Variants in RBMS3 observed in about 807,000 individuals in gnomAD.
RBMS3 encodes RNA-binding motif, single-stranded-interacting protein 3.
A neutral mutation model predicts 66.8 loss-of-function variants in RBMS3; 27 were observed. The observed-to-expected ratio is 0.40, with a 90% CI of 0.30 to 0.56. RBMS3 has a LOEUF of 0.56. Among genes scored for constraint, RBMS3 ranks in the 20% least tolerant of loss-of-function variants. RBMS3 has a pLI of 0.40. For synonymous variants in RBMS3, 188 were observed against 183.0 expected, an observed-to-expected ratio of 1.03 and a Z score of -0.22; for missense variants, 513 against 549.5, an observed-to-expected ratio of 0.93 and a Z score of 0.66.
chr3:29,739,852 G>A lies in RBMS3; in HGVS notation c.532G>A (p.Val178Ile). The A allele has an allele frequency of 3.8e-6, 6 of 1,598,810 alleles. No homozygotes were observed. Among genetic ancestry groups the A allele is most frequent in the Non-Finnish European group, 5.1e-6 (6 of 1,174,408 alleles). Residue 178 changes from valine to isoleucine, a missense_variant, in exon 5 of 15, where the codon GTC becomes ATC. Physicochemically the swap from Val to Ile is conservative, Grantham distance 29. Coordinates refer to ENST00000383767, the MANE Select transcript of RBMS3 (RefSeq NM_001003793.3). ...STRILRDANG[V>I]SRGVGFARME... Reference sequence around the variant, plus strand: ...AAGAATACTAAGAGACGCTAATGGAGTCAGCAGAGGTGTTGGCTTTGCCAG... The same window carrying A: ...AAGAATACTAAGAGACGCTAATGGAATCAGCAGAGGTGTTGGCTTTGCCAG...
intron 1 of RBMS3, among the ~76,000 whole-genome samples, chr3:29,386,251 GCTGC>G (rs1361134371): frequency 6.6e-6 from 1 of 151,884 alleles, no homozygotes; most frequent in African/African-American, 2.4e-5. Context: ...GGTTCTCGGT[GCTGC>G]CACGCAACCT....
At chr3:29,470,511 A>C (rs184043709) in intron 2 of RBMS3, among the ~76,000 whole-genome samples, 1 of 152,192 alleles carries the variant, frequency 6.6e-6, no homozygotes, top group African/African-American at 2.4e-5. Context: ...GTCTTTCTAT[A>C]AGCACACATA....
At position 29,683,681 on chromosome 3, in the gene RBMS3, G is replaced by A. The variant is rs187297786; in HGVS notation, c.400-56039G>A. On this transcript the variant is annotated intron_variant, in intron 4 of 14. Transcript: ENST00000383767. Reference sequence around the variant, plus strand: ...TAAGGAATGTTGCTGCTGATAAGGCGACAGAAAATATTTCTGGGAGTGCAT... The same window carrying A: ...TAAGGAATGTTGCTGCTGATAAGGCAACAGAAAATATTTCTGGGAGTGCAT... Among the ~76,000 whole-genome samples, 74 of 152,274 alleles carry A rather than the reference G, an allele frequency of 4.9e-4. 1 individual carries two copies. The East Asian group carries it at 0.012, about 25-fold the overall frequency.
chr3:29,573,974 C>T (rs1169901297), intron 3 of RBMS3, among the ~76,000 whole-genome samples: 1 of 152,026 alleles, frequency 6.6e-6, no homozygotes, highest in African/African-American at 2.4e-5. Flanking sequence ...GTTTTGTGAC[C>T]TAACACATAA....
At chr3:29,375,720 A>G (rs1047759398) in intron 1 of RBMS3, among the ~76,000 whole-genome samples, 1 of 152,170 alleles carries the variant, frequency 6.6e-6, no homozygotes, top group African/African-American at 2.4e-5. Flanking sequence ...TGGCAAGGTT[A>G]TGGAGAAAAG....
At chr3:29,533,474 C>A (rs2045440314) in intron 3 of RBMS3, among the ~76,000 whole-genome samples, 1 of 149,788 alleles carries the variant, frequency 6.7e-6, no homozygotes, top group Non-Finnish European at 1.5e-5. Flanking sequence ...ACAGTGAGGC[C>A]CTATCTCAAA....
At chr3:29,384,644 CTG>C (rs1466526075) in intron 1 of RBMS3, among the ~76,000 whole-genome samples, 1 of 152,126 alleles carries the variant, frequency 6.6e-6, no homozygotes, top group East Asian at 1.9e-4. Flanking sequence ...GATGCCTTAA[CTG>C]TATTAATATA....
chr3:29,508,111 AGGCCTCTCGTCATCT>A (rs2044256002), intron 3 of RBMS3, among the ~76,000 whole-genome samples: 1 of 152,164 alleles, frequency 6.6e-6, no homozygotes, highest in African/African-American at 2.4e-5. Context: ...TCATAATATA[AGGCCTCTCGTCATCT>A]GGCTTGTTCT....
chr3:29,462,282 T>A (rs2125782201), intron 2 of RBMS3, among the ~76,000 whole-genome samples: 1 of 152,352 alleles, frequency 6.6e-6, no homozygotes, highest in African/African-American at 2.4e-5. Flanking sequence ...TCAGGCTGCA[T>A]GCCCCCTTTT....
intron 1 of RBMS3, among the ~76,000 whole-genome samples, chr3:29,329,110 A>T (rs2035505485): frequency 6.6e-6 from 1 of 152,112 alleles, no homozygotes; most frequent in African/African-American, 2.4e-5. Context: ...TACCGGGAAA[A>T]TATATGTTTT....
At chr3:29,352,925 TC>T (rs1224597367) in intron 1 of RBMS3, among the ~76,000 whole-genome samples, 1 of 145,224 alleles carries the variant, frequency 6.9e-6, no homozygotes, top group Non-Finnish European at 1.5e-5. Context: ...ATACATTCAT[TC>T]TTTTTTTTTT....
At chr3:29,313,234 G>T (rs1217878991) in intron 1 of RBMS3, among the ~76,000 whole-genome samples, 2 of 151,706 alleles carry the variant, frequency 1.3e-5, no homozygotes, top group African/African-American at 4.8e-5. Flanking sequence ...TCATTTCTTT[G>T]TTGAAACATC....
chr3:29,384,899 A>G (rs762578405), intron 1 of RBMS3, among the ~76,000 whole-genome samples: 2 of 152,184 alleles, frequency 1.3e-5, no homozygotes, highest in African/African-American at 4.8e-5. Context: ...AAGTATTAAC[A>G]TACGTTTCTT....
At chr3:29,926,347 C>A (rs751961764) in intron 10 of RBMS3, among the ~76,000 whole-genome samples, 2 of 152,116 alleles carry the variant, frequency 1.3e-5, no homozygotes, top group African/African-American at 4.8e-5. Flanking sequence ...GAAAAATATT[C>A]TCTGAGGGAC....
chr3:29,872,279 TA>T, intron 7 of RBMS3, among the ~76,000 whole-genome samples: 1 of 152,268 alleles, frequency 6.6e-6, no homozygotes, highest in Non-Finnish European at 1.5e-5. Flanking sequence ...TATTAAAATA[TA>T]TTTTTTAAAA....
At chr3:29,681,443 C>T (rs2051490816) in intron 4 of RBMS3, among the ~76,000 whole-genome samples, 1 of 152,064 alleles carries the variant, frequency 6.6e-6, no homozygotes, top group Admixed American at 6.6e-5. Context: ...CATATTATCC[C>T]ATCACCCAAG....
chr3:29,461,957 T>TA (rs2042386407), intron 2 of RBMS3, among the ~76,000 whole-genome samples: 1 of 134,154 alleles, frequency 7.5e-6, no homozygotes, highest in Non-Finnish European at 1.6e-5. Context: ...TTTGTATTTT[T>TA]AGTACAGATG....
chr3:29,639,457 C>T (rs1193762273), intron 4 of RBMS3, among the ~76,000 whole-genome samples: 1 of 151,812 alleles, frequency 6.6e-6, no homozygotes, highest in African/African-American at 2.4e-5. Context: ...CACACTAATA[C>T]ATCTGTAAGG....
At chr3:29,764,968 G>A (rs1036343577) in intron 6 of RBMS3, among the ~76,000 whole-genome samples, 41 of 152,104 alleles carry the variant, frequency 2.7e-4, no homozygotes, top group Middle Eastern at 3.4e-3. Context: ...ACAACTGTAT[G>A]CTTCTGAGAT....
Sources: allele counts gnomAD v4.1 joint callset (sites outside exome capture counted in the v4.1 genomes callset), GRCh38; gene constraint gnomAD v4.1.1; transcripts MANE v1.5; gene names NCBI Gene and HGNC (gene_info 2026-07-23, HGNC 2026-07-21).